The following KATNIP variants were observed in gnomAD, a reference collection of about 807,000 sequenced individuals.
KATNIP encodes katanin-interacting protein.
KATNIP carries 126 observed loss-of-function variants against 174.0 expected under a neutral mutation model. The ratio of observed to expected loss-of-function variants is 0.72; its 90% confidence interval spans 0.63 to 0.84. The LOEUF (loss-of-function observed/expected upper bound fraction) is 0.84. Among genes scored for constraint, KATNIP ranks in the 40% least tolerant of loss-of-function variants. The pLI, the probability that KATNIP is intolerant of heterozygous loss-of-function variation, is 0.00. For missense variants in KATNIP, 1,958 were observed against 2,109.7 expected (o/e 0.93, Z 1.41); for synonymous variants, 810 against 835.7 (o/e 0.97, Z 0.53).
At chr16:27,763,441 TAAA>T (rs35206356) in intron 19 of KATNIP, among the ~76,000 whole-genome samples, 3 of 68,182 alleles carry the variant, frequency 4.4e-5, no homozygotes, top group Admixed American at 3.6e-4. Flanking sequence ...ATTGTGTCTC[TAAA>T]AAAAAAAAAA....
rs1014680321 is a variant in KATNIP at position 27,712,128 on chromosome 16, C to G, written c.1605+3208C>G. The stretch of plus-strand genomic sequence containing the variant: ...ATTGCTCTCCCTTTCTTCTGTTTAG[C>G]AGAGACTGGGGCGCTTTGCCATGTG... On this transcript the variant is annotated intron_variant, in intron 13 of 27. Coordinates refer to ENST00000261588, the MANE Select transcript of KATNIP (RefSeq NM_015202.5). Among the ~76,000 whole-genome samples the G allele has an allele frequency of 2.0e-5, 3 of 152,214 alleles. No homozygotes were observed. The East Asian group carries it at 5.8e-4, about 29-fold the overall frequency.
intron 6 of KATNIP, among the ~76,000 whole-genome samples, chr16:27,649,749 AGT>A (rs2077062591): frequency 2.0e-5 from 3 of 152,264 alleles, no homozygotes; most frequent in African/African-American, 7.2e-5. Flanking sequence ...GGTATCAGTA[AGT>A]TCTCTGAAGA....
intron 2 of KATNIP, among the ~76,000 whole-genome samples, chr16:27,589,562 A>T (rs956470082): frequency 6.6e-6 from 1 of 152,168 alleles, no homozygotes; most frequent in African/African-American, 2.4e-5. Flanking sequence ...CTCATGAGAA[A>T]ATCTGAATTT....
At chr16:27,566,919 T>A (rs935597163) in intron 1 of KATNIP, among the ~76,000 whole-genome samples, 1 of 152,186 alleles carries the variant, frequency 6.6e-6, no homozygotes, top group African/African-American at 2.4e-5. Flanking sequence ...TTCTTTTTCC[T>A]TTCTCATCTT....
rs191244203 is a variant in KATNIP at position 27,558,876 on chromosome 16, G to A, written c.7+8699G>A. ...CACACCTAGTAGGTAGCAGAGCCAG[G>A]ACTCAGTCGAATAAGGTCTACACTT... On this transcript the variant is annotated intron_variant, in intron 1 of 27. Transcript: ENST00000261588. Among the ~76,000 whole-genome samples, 380 of 152,066 alleles carry A rather than the reference G, an allele frequency of 2.5e-3. 3 individuals are homozygous for A. The highest frequency in any genetic ancestry group is 3.1e-3 in the Non-Finnish European group (213 of 68,024).
At chr16:27,661,910 TAATATA>T (rs1418584230) in intron 6 of KATNIP, among the ~76,000 whole-genome samples, 15 of 41,684 alleles carry the variant, frequency 3.6e-4, no homozygotes, top group African/African-American at 1.5e-3. Flanking sequence ...TGTGCCTGGC[TAATATA>T]TATATATATA....
In KATNIP at chr16:27,628,892, G is replaced by T. The variant is rs529701555; in HGVS notation, c.310+62G>T. The T allele has an allele frequency of 3.2e-6, 5 of 1,544,216 alleles. No homozygotes were observed. In the Admixed American group the frequency reaches 5.1e-5, roughly 16 times the overall value. Reference sequence around the variant, plus strand: ...TTAATCAAAATTAATTAGGGGCAGGGTGCAGTGGCTCACACCTGTAATCAC... The same window carrying T: ...TTAATCAAAATTAATTAGGGGCAGGTTGCAGTGGCTCACACCTGTAATCAC... On this transcript the variant is annotated intron_variant, in intron 4 of 27. Coordinates refer to ENST00000261588, the MANE Select transcript of KATNIP (RefSeq NM_015202.5).
In KATNIP at chr16:27,738,497, C is replaced by T. The variant is rs1352086488; in HGVS notation, c.1744-1544C>T. Among the ~76,000 whole-genome samples the T allele has an allele frequency of 3.3e-5, 5 of 152,246 alleles. No homozygotes were observed. In the East Asian group the frequency reaches 9.6e-4, roughly 29 times the overall value. On this transcript the variant is annotated intron_variant, in intron 14 of 27. Transcript: ENST00000261588. ...TGTAAAGAGGATGACACAAGTGAAA[C>T]AGTAGCAGGAGATGTGATTTTATCT... is the stretch of plus-strand genomic sequence containing the variant.
intron 5 of KATNIP, among the ~76,000 whole-genome samples, chr16:27,642,442 A>G (rs1248415123): frequency 6.6e-6 from 1 of 152,152 alleles, no homozygotes; most frequent in Non-Finnish European, 1.5e-5. Flanking sequence ...CTAAAACTTA[A>G]AGTATAATAA....
intron 6 of KATNIP, among the ~76,000 whole-genome samples, chr16:27,653,328 G>T (rs1005238554): frequency 1.3e-5 from 2 of 152,088 alleles, no homozygotes; most frequent in Admixed American, 6.6e-5. Flanking sequence ...GGTGAGTCTG[G>T]TTTTTTCTCA....
At chr16:27,762,669 T>C (rs2081992256) in intron 19 of KATNIP, among the ~76,000 whole-genome samples, 1 of 152,212 alleles carries the variant, frequency 6.6e-6, no homozygotes. Context: ...GCTGAGCTCA[T>C]GCAGAGTTGG....
intron 2 of KATNIP, among the ~76,000 whole-genome samples, chr16:27,587,366 C>T (rs925472551): frequency 1.3e-5 from 2 of 152,194 alleles, no homozygotes; most frequent in Non-Finnish European, 2.9e-5. Context: ...GTAGTTTACA[C>T]CTGCAGATAG....
Position 27,708,810 on chromosome 16 carries a change from G to A in KATNIP, c.1495G>A (p.Glu499Lys), listed in dbSNP as rs770541088. The change falls in exon 13 of 28, where the codon GAG (glutamate) becomes AAG (lysine). Residue 499 changes from glutamate to lysine, a missense_variant. By Grantham distance (56) the Glu-to-Lys change is moderately conservative (BLOSUM62 1). Transcript: ENST00000261588. ...NSWWVGLTEV[E>K]FFDLNDTKLY... ...GTGGTGGGTGGGTCTCACAGAAGTC[G>A]AGTTCTTTGACTTGAATGACACAAA... 20 of 1,613,800 alleles carry A rather than the reference G, an allele frequency of 1.2e-5. No individual in the cohort carries two copies. The highest frequency in any genetic ancestry group is 8.8e-5 in the South Asian group (8 of 91,070).
chr16:27,693,580 G>A (rs533299280), intron 8 of KATNIP, among the ~76,000 whole-genome samples: 74 of 152,240 alleles, frequency 4.9e-4, no homozygotes, highest in African/African-American at 1.7e-3. Flanking sequence ...GTAGAGATGG[G>A]GTTTTACCAT....
At chr16:27,628,119 A>G (rs761486478) in intron 3 of KATNIP, among the ~76,000 whole-genome samples, 5 of 152,236 alleles carry the variant, frequency 3.3e-5, no homozygotes, top group Non-Finnish European at 7.3e-5. Flanking sequence ...ATCAGGGGTG[A>G]GTGTTTTGAG....
chr16:27,623,137 C>T (rs908334938), intron 3 of KATNIP, among the ~76,000 whole-genome samples: 1 of 152,202 alleles, frequency 6.6e-6, no homozygotes, highest in Admixed American at 6.5e-5. Context: ...AGTTGCGAGC[C>T]AGTGCTCTCT....
At chr16:27,598,023 T>C (rs780926731) in intron 2 of KATNIP, among the ~76,000 whole-genome samples, 1 of 151,940 alleles carries the variant, frequency 6.6e-6, no homozygotes, top group Non-Finnish European at 1.5e-5. Flanking sequence ...AGCTCGGAAG[T>C]TCAAGACCAG....
intron 11 of KATNIP, among the ~76,000 whole-genome samples, chr16:27,702,577 C>T (rs143029401): frequency 3.9e-5 from 6 of 152,230 alleles, no homozygotes; most frequent in African/African-American, 7.2e-5. Flanking sequence ...GGCTGAGAGG[C>T]GAGAAGGGGC....
At chr16:27,579,318 G>C (rs1359654534) in intron 2 of KATNIP, among the ~76,000 whole-genome samples, 5 of 152,180 alleles carry the variant, frequency 3.3e-5, no homozygotes, top group East Asian at 1.9e-4. Context: ...CTGCAGTTCA[G>C]GTCCTGAGGC....
Sources: gnomAD v4.1 joint callset for allele counts (sites outside exome capture counted in the v4.1 genomes callset) on GRCh38, gnomAD v4.1.1 for gene constraint, MANE v1.5 for transcripts, NCBI Gene and HGNC (gene_info 2026-07-23, HGNC 2026-07-21) for gene names.